RNF180: variants seen among roughly 807,000 people sequenced by gnomAD.
RNF180 encodes the protein E3 ubiquitin-protein ligase RNF180.
Under a neutral mutation model 59.2 loss-of-function variants are expected in RNF180, and 38 were observed. The ratio of observed to expected loss-of-function variants is 0.64; its 90% CI spans 0.50 to 0.84. The LOEUF is 0.84. Ranked by LOEUF, RNF180 falls within the 40% of genes least tolerant of loss-of-function variation. The probability of loss-of-function intolerance (pLI) is 0.00; values close to 1 mark genes in which losing one functional copy is unlikely to be tolerated. For synonymous variants in RNF180, 262 were observed against 240.3 expected, an observed-to-expected ratio of 1.09 and a Z score of -0.84; for missense variants, 705 against 700.9, an observed-to-expected ratio of 1.01 and a Z score of -0.07.
chr5:64,371,098 G>C lies in RNF180; in HGVS notation c.*1284G>C, dbSNP rs1388481542. On this transcript the variant is annotated 3_prime_UTR_variant, in exon 8 of 8. Coordinates refer to ENST00000389100, the MANE Select transcript of RNF180 (RefSeq NM_001113561.2). ...TTTCAATAAAAGCACTTGACTGTTGGTATGTGATGTTCTAAGAAAACTAGA... is the reference window on the plus strand; with the variant it reads ...TTTCAATAAAAGCACTTGACTGTTGCTATGTGATGTTCTAAGAAAACTAGA... The C allele has an allele frequency of 1.3e-5, 2 of 151,552 alleles. No homozygotes were observed. Among genetic ancestry groups the C allele is most frequent in the Non-Finnish European group, 3.0e-5 (2 of 67,678 alleles). 9.4% of individuals were successfully genotyped at this position (151,552 alleles called of 1,614,324 possible).
At chr5:64,168,889 A>G (rs1749789426) in intron 1 of RNF180, among the ~76,000 whole-genome samples, 1 of 152,226 alleles carries the variant, frequency 6.6e-6, no homozygotes, top group African/African-American at 2.4e-5. Context: ...GAAATTGGGT[A>G]GCATCTCATT....
chr5:64,241,902 C>A (rs966091492), intron 5 of RNF180, among the ~76,000 whole-genome samples: 6 of 152,096 alleles, frequency 3.9e-5, no homozygotes, highest in African/African-American at 1.4e-4. Flanking sequence ...CCAGGCCCAC[C>A]ACAGCATTCA....
At chr5:64,192,302 A>T (rs573219996) in intron 1 of RNF180, among the ~76,000 whole-genome samples, 5 of 152,010 alleles carry the variant, frequency 3.3e-5, no homozygotes, top group Non-Finnish European at 7.4e-5. Flanking sequence ...ACCAAATAAA[A>T]GGTAAGGGTT....
At chr5:64,324,140 G>C (rs1744510884) in intron 5 of RNF180, among the ~76,000 whole-genome samples, 1 of 152,088 alleles carries the variant, frequency 6.6e-6, no homozygotes, top group Non-Finnish European at 1.5e-5. Flanking sequence ...AACTTCTAAA[G>C]ACCAAAACAC....
intron 7 of RNF180, among the ~76,000 whole-genome samples, chr5:64,360,195 G>C (rs2112603019): frequency 6.6e-6 from 1 of 151,914 alleles, no homozygotes; most frequent in East Asian, 1.9e-4. Flanking sequence ...GCTTGATGGG[G>C]ATGGCATTGA....
chr5:64,330,311 C>G lies in RNF180; in HGVS notation c.1484C>G (p.Thr495Ser). The change falls in exon 7 of 8, where the codon ACT becomes AGT. Residue 495 changes from threonine (T) to serine (S), a missense_variant. Physicochemically the swap from Thr to Ser is moderately conservative, Grantham distance 58. Coordinates refer to ENST00000389100, the MANE Select transcript of RNF180 (RefSeq NM_001113561.2). Reference protein sequence around the residue: ...ELNNATKTFFTKEYLKIKQSF... With the variant: ...ELNNATKTFFSKEYLKIKQSF... ...AACAATGCCACAAAAACTTTCTTTA[C>G]TAAAGAATATTTGAAAATAAAACAA... The G allele has an allele frequency of 6.6e-7, 1 of 1,516,498 alleles. No individual in the cohort carries two copies. Among genetic ancestry groups the G allele is most frequent in the Non-Finnish European group, 8.9e-7 (1 of 1,119,986 alleles). 93.9% of individuals were successfully genotyped at this position (1,516,498 alleles called of 1,614,324 possible). A position where few individuals can be genotyped will look rare whatever the true frequency, so the allele number is the denominator to read the frequency against.
intron 6 of RNF180, 145 bp from the exon 7 acceptor site, chr5:64,330,136 T>C (rs562332819): frequency 1.6e-6 from 1 of 638,290 alleles, no homozygotes; most frequent in African/African-American, 1.9e-5. Context: ...AAGAAAAAAA[T>C]GTTGAATCTA....
chr5:64,193,069 G>T (rs888334819), intron 1 of RNF180, among the ~76,000 whole-genome samples: 1 of 151,502 alleles, frequency 6.6e-6, no homozygotes, highest in Non-Finnish European at 1.5e-5. Context: ...CTTATATGAG[G>T]TTATCTAAGA....
intron 5 of RNF180, among the ~76,000 whole-genome samples, chr5:64,310,089 A>G (rs1336774945): frequency 2.6e-5 from 4 of 151,802 alleles, no homozygotes; most frequent in East Asian, 3.9e-4. Flanking sequence ...CCTCATATCA[A>G]AAAACTTACA....
chr5:64,262,606 C>G (rs1468265608), intron 5 of RNF180, among the ~76,000 whole-genome samples: 1 of 152,062 alleles, frequency 6.6e-6, no homozygotes, highest in Non-Finnish European at 1.5e-5. Context: ...TTCATATTGC[C>G]TAAATAGGGA....
intron 5 of RNF180, among the ~76,000 whole-genome samples, chr5:64,319,995 T>G (rs1744262762): frequency 6.6e-6 from 1 of 152,168 alleles, no homozygotes; most frequent in Non-Finnish European, 1.5e-5. Flanking sequence ...ATGAATCAGT[T>G]TTCAAAGTGT....
At chr5:64,332,052 G>T (rs535876964) in intron 7 of RNF180, among the ~76,000 whole-genome samples, 1 of 152,158 alleles carries the variant, frequency 6.6e-6, no homozygotes, top group South Asian at 2.1e-4. Context: ...TGGACCTCAC[G>T]CTTGCTCAAC....
chr5:64,239,840 G>T (rs958421751), intron 5 of RNF180, among the ~76,000 whole-genome samples: 2 of 152,058 alleles, frequency 1.3e-5, no homozygotes, highest in Admixed American at 1.3e-4. Context: ...TACCTTAAAT[G>T]ACAAATGTCA....
chr5:64,227,094 C>T (rs940918081), intron 5 of RNF180, among the ~76,000 whole-genome samples: 1 of 152,192 alleles, frequency 6.6e-6, no homozygotes, highest in Non-Finnish European at 1.5e-5. Flanking sequence ...AACCACGGCT[C>T]CCTCGCTGGG....
intron 5 of RNF180, among the ~76,000 whole-genome samples, chr5:64,304,844 T>C (rs192501644): frequency 6.6e-6 from 1 of 151,796 alleles, no homozygotes; most frequent in Admixed American, 6.6e-5. Flanking sequence ...CAGCATTGCA[T>C]GCTACAGATA....
At chr5:64,188,414 A>AAC (rs1750974619) in intron 1 of RNF180, among the ~76,000 whole-genome samples, 1 of 152,154 alleles carries the variant, frequency 6.6e-6, no homozygotes, top group Non-Finnish European at 1.5e-5. Flanking sequence ...CAAAAAAAAA[A>AAC]GTACATATTT....
At chr5:64,298,544 G>A (rs772032785) in intron 5 of RNF180, among the ~76,000 whole-genome samples, 2 of 151,968 alleles carry the variant, frequency 1.3e-5, no homozygotes, top group African/African-American at 4.8e-5. Flanking sequence ...TCCAGAAATA[G>A]AATATAATGC....
chr5:64,368,683 T>C (rs1746540577), intron 7 of RNF180, among the ~76,000 whole-genome samples: 1 of 151,992 alleles, frequency 6.6e-6, no homozygotes. Context: ...AGAAGACATT[T>C]ATGCAGCCAA....
intron 7 of RNF180, among the ~76,000 whole-genome samples, chr5:64,344,538 C>A (rs1432112795): frequency 2.8e-5 from 4 of 143,198 alleles, no homozygotes; most frequent in African/African-American, 1.1e-4. Context: ...AAAAAAAACA[C>A]ACACAATGAT....
Sources: gnomAD v4.1 joint callset for allele counts (sites outside exome capture counted in the v4.1 genomes callset) on GRCh38, gnomAD v4.1.1 for gene constraint, MANE v1.5 for transcripts, NCBI Gene and HGNC (gene_info 2026-07-23, HGNC 2026-07-21) for gene names.